The following EXOC5 variants were observed in gnomAD, a reference collection of about 807,000 sequenced individuals.
EXOC5 encodes exocyst complex component 5, also known as SEC10-like 1.
EXOC5 carries 17 observed loss-of-function variants against 90.8 expected under a neutral mutation model. The observed-to-expected ratio is 0.19, with a 90% CI of 0.13 to 0.28. The LOEUF is 0.28. Ranked by LOEUF, EXOC5 falls within the 10% of genes least tolerant of loss-of-function variation. EXOC5 has a pLI of 1.00. For synonymous variants in EXOC5, 260 were observed against 270.0 expected (o/e 0.96, Z 0.36); for missense variants, 569 against 830.6 (o/e 0.69, Z 3.87).
rs1052970976 is a variant in EXOC5 at position 57,201,424 on chromosome 14, ATATATACACACACACACGTGTG to A, written c.*7163_*7184del. On this transcript the variant is annotated 3_prime_UTR_variant, in exon 18 of 18. Transcript: ENST00000621441. ...ATCAAGAGAATTCTGATTAGTATATATATATACACACACACACGTGTGTATATATACACACGCGTGTATATGT... is the reference window on the plus strand; with the variant it reads ...ATCAAGAGAATTCTGATTAGTATATATATATATACACACGCGTGTATATGT... 36 of 122,210 alleles carry A rather than the reference ATATATACACACACACACGTGTG, an allele frequency of 2.9e-4. No individual in the cohort carries two copies. Among genetic ancestry groups the A allele is most frequent in the African/African-American group, 1.6e-3 (31 of 19,490 alleles). 7.6% of individuals were successfully genotyped at this position (122,210 alleles called of 1,614,324 possible).
chr14:57,235,851 G>T, intron 6 of EXOC5, 31 bp from the exon 7 acceptor site: 2 of 983,578 alleles, frequency 2.0e-6, no homozygotes, highest in Non-Finnish European at 1.6e-6. Flanking sequence ...CTACACTGAG[G>T]CATACAAGGC....
chr14:57,250,019 G>T (rs539551802), intron 1 of EXOC5, among the ~76,000 whole-genome samples: 163 of 152,152 alleles, frequency 1.1e-3, no homozygotes, highest in Admixed American at 1.7e-3. Flanking sequence ...TGATCCGCCC[G>T]CCTCAGCCTC....
Position 57,206,013 on chromosome 14 carries a change from A to C in EXOC5, c.*2596T>G, listed in dbSNP as rs1391786004. ...CATTTTCAACATCATAATTTACATA[A>C]GGTAGGCTTCCTTTATTAAATTCGT... On this transcript the variant is annotated 3_prime_UTR_variant, in exon 18 of 18. Coordinates refer to ENST00000621441, the MANE Select transcript of EXOC5 (RefSeq NM_006544.4). 6 of 454,158 alleles carry C rather than the reference A, an allele frequency of 1.3e-5. No homozygotes were observed. 28.1% of individuals were successfully genotyped at this position (454,158 alleles called of 1,614,324 possible). A position where few individuals can be genotyped will look rare whatever the true frequency, so the allele number is the denominator to read the frequency against.
rs777868159 is a variant in EXOC5, at chr14:57,239,677, A to T, written c.466-18T>A. 6.8e-7 allele frequency: 1 copy of T among 1,465,720 alleles called. No individual in the cohort carries two copies. The highest frequency in any genetic ancestry group is 1.3e-5 in the South Asian group (1 of 74,492). 90.8% of individuals were successfully genotyped at this position (1,465,720 alleles called of 1,614,324 possible). A position where few individuals can be genotyped will look rare whatever the true frequency, so the allele number is the denominator to read the frequency against. On this transcript the variant is annotated intron_variant, in intron 4 of 17. Coordinates refer to ENST00000621441, the MANE Select transcript of EXOC5 (RefSeq NM_006544.4). ...TCCTTTATCTATGAAAAAATAAATA[A>T]AAGCAATAATTTAAAAAACTTTTAG...
In EXOC5 at chr14:57,235,961, C is replaced by T. The variant is rs1213570540; in HGVS notation, c.560-141G>A. 2.0e-5 allele frequency: 12 copies of T among 589,276 alleles called. No homozygotes were observed. The East Asian group carries it at 2.5e-4, about 12-fold the overall frequency. The allele number at this position is 589,276 out of a possible 1,614,324, so 36.5% of individuals were successfully genotyped here. A position where few individuals can be genotyped will look rare whatever the true frequency, so the allele number is the denominator to read the frequency against. Reference sequence around the variant, plus strand: ...TACAAAAACAAATGAGATTATAGGCCGTGAACCCAGCCCCTGTAATATACT... The same window carrying T: ...TACAAAAACAAATGAGATTATAGGCTGTGAACCCAGCCCCTGTAATATACT... On this transcript the variant is annotated intron_variant, in intron 6 of 17. Coordinates refer to ENST00000621441, the MANE Select transcript of EXOC5 (RefSeq NM_006544.4).
Position 57,228,201 on chromosome 14 carries a change from C to A in EXOC5, c.1296+1533G>T, listed in dbSNP as rs146276487. On this transcript the variant is annotated intron_variant, in intron 12 of 17. Coordinates refer to ENST00000621441, the MANE Select transcript of EXOC5 (RefSeq NM_006544.4). ...TGGCAATCATTAAACAGTCAGGAAA[C>A]AACAAATGCTGGAGAGGATGTGGAG... 7.6e-3 allele frequency among the ~76,000 whole-genome samples: 1,157 copies of A among 152,200 alleles called. 19 individuals carry two copies. The highest frequency in any genetic ancestry group is 0.026 in the African/African-American group (1,097 of 41,522).
intron 10 of EXOC5, chr14:57,232,195 C>T (rs538772122): frequency 1.3e-5 from 2 of 154,106 alleles, no homozygotes; most frequent in Non-Finnish European, 2.9e-5. Flanking sequence ...TTTGGAAAAA[C>T]CTTCTCCCAA....
chr14:57,268,339 T>G, intron 1 of EXOC5: 1 of 742,946 alleles, frequency 1.3e-6, no homozygotes, highest in South Asian at 1.9e-5. Context: ...CCTTCCAGAC[T>G]TTCCCTCTTG....
In EXOC5 at chr14:57,231,561, G is replaced by C. The variant is rs1302758919; in HGVS notation, c.1093C>G (p.Leu365Val). Reference sequence around the variant, plus strand: ...TTTTTCGAATCATAATAGCGCTGTAGGATCATAGCACTTCTGCTTTTCAAA... The same window carrying C: ...TTTTTCGAATCATAATAGCGCTGTACGATCATAGCACTTCTGCTTTTCAAA... ...GYLKSRSAMI[L>V]QRYYDSKNHQ... Residue 365 changes from leucine to valine, a missense_variant, in exon 11 of 18, where the codon CTA becomes GTA. Leu to Val is a conservative substitution (Grantham distance 32). This residue lies in a region of EXOC5 where 69 missense variants were observed against 115.5 expected (regional missense o/e 0.60). Transcript: ENST00000621441. The C allele has an allele frequency of 6.2e-7, 1 of 1,612,256 alleles. No individual in the cohort carries two copies. Among genetic ancestry groups the C allele is most frequent in the African/African-American group, 1.3e-5 (1 of 74,834 alleles).
chr14:57,231,988 C>T (rs1883501851), intron 10 of EXOC5: 3 of 301,004 alleles, frequency 1.0e-5, no homozygotes, highest in Non-Finnish European at 1.9e-5. Flanking sequence ...GAAATGGCGA[C>T]AGTGGCAGAT....
chr14:57,208,765 C>T lies in EXOC5; in HGVS notation c.1971G>A (p.Leu657=), dbSNP rs766216104. The T allele has an allele frequency of 3.7e-6, 6 of 1,606,090 alleles. No individual in the cohort carries two copies. Among genetic ancestry groups the T allele is most frequent in the Non-Finnish European group, 5.1e-6 (6 of 1,173,764 alleles). Reference sequence around the variant, plus strand: ...CTACCAGAAGATTGCAAAGAGCATGCAGAGTATCAAAAAGATGTAATACCA... The same window carrying T: ...CTACCAGAAGATTGCAAAGAGCATGTAGAGTATCAAAAAGATGTAATACCA... The part of the protein sequence containing the change: ...IPMVLHLFDT[L]HALCNLLVVA... Residue 657 remains leucine, a synonymous_variant, in exon 18 of 18, where the codon CTG becomes CTA. Transcript: ENST00000621441.
intron 11 of EXOC5, among the ~76,000 whole-genome samples, chr14:57,230,446 A>ACACACAC (rs368164739): frequency 3.7e-4 from 55 of 148,248 alleles, no homozygotes; most frequent in African/African-American, 1.3e-3. Flanking sequence ...CACACACACA[A>ACACACAC]ACACACACAC....
chr14:57,205,777 T>C lies in EXOC5; in HGVS notation c.*2832A>G, dbSNP rs949009668. The C allele has an allele frequency of 1.4e-5, 6 of 422,540 alleles. No individual in the cohort carries two copies. The Admixed American group carries it at 1.9e-4, about 14-fold the overall frequency. The allele number at this position is 422,540 out of a possible 1,614,324, so 26.2% of individuals were successfully genotyped here. A position where few individuals can be genotyped will look rare whatever the true frequency, so the allele number is the denominator to read the frequency against. ...AAAAAGAATGATCTACAATGTAATA[T>C]AAATTAACCTAATTTAAATTAGATT... On this transcript the variant is annotated 3_prime_UTR_variant, in exon 18 of 18. Coordinates refer to ENST00000621441, the MANE Select transcript of EXOC5 (RefSeq NM_006544.4).
At position 57,229,720 on chromosome 14, in the gene EXOC5, A is replaced by G. The variant is rs763499928; in HGVS notation, c.1296+14T>C. ...ACAACTGTATATGTAAAATACATTT[A>G]CAATCACTCTTACCCTATGACATCT... On this transcript the variant is annotated intron_variant, in intron 12 of 17. Coordinates refer to ENST00000621441, the MANE Select transcript of EXOC5 (RefSeq NM_006544.4). 1.0e-5 allele frequency: 15 copies of G among 1,455,994 alleles called. No homozygotes were observed. Among genetic ancestry groups the G allele is most frequent in the Admixed American group, 4.2e-5 (2 of 47,288 alleles). The allele number at this position is 1,455,994 out of a possible 1,614,324, so 90.2% of individuals were successfully genotyped here.
intron 12 of EXOC5, among the ~76,000 whole-genome samples, chr14:57,224,992 G>A (rs959710955): frequency 1.1e-4 from 17 of 152,082 alleles, no homozygotes; most frequent in Non-Finnish European, 2.2e-4. Context: ...GACTGAAGAG[G>A]AGGAGGTTGC....
chr14:57,203,188 G>T lies in EXOC5; in HGVS notation c.*5421C>A, dbSNP rs1209100465. ...TGGTCTTGAACTCCTAGCTTCAAGTGTTCTTCCCACCTCAGCCTCCCAAGT... is the reference window on the plus strand; with the variant it reads ...TGGTCTTGAACTCCTAGCTTCAAGTTTTCTTCCCACCTCAGCCTCCCAAGT... On this transcript the variant is annotated 3_prime_UTR_variant, in exon 18 of 18. Transcript: ENST00000621441. The T allele has an allele frequency of 6.6e-6, 1 of 152,172 alleles. No individual in the cohort carries two copies. 9.4% of individuals were successfully genotyped at this position (152,172 alleles called of 1,614,324 possible).
chr14:57,258,906 T>TA (rs1884422223), intron 1 of EXOC5, among the ~76,000 whole-genome samples: 1 of 152,128 alleles, frequency 6.6e-6, no homozygotes, highest in Admixed American at 6.5e-5. Context: ...GTAAAAAAAA[T>TA]AAAGTAAGTC....
rs767330860 is a variant in EXOC5, at chr14:57,209,759, G to A, written c.1746C>T (p.Tyr582=). Residue 582 remains tyrosine (Y), a synonymous_variant, in exon 17 of 18, where the codon TAC becomes TAT. Transcript: ENST00000621441. The part of the protein sequence containing the change: ...YTNACVKVCA[Y]VRKQVEKIKN... ...TAATCTTCTCCACTTGTTTTCTTAC[G>A]TAAGCACAGACTTTTACACAGGCCT... is the stretch of plus-strand genomic sequence containing the variant. The A allele has an allele frequency of 1.5e-5, 24 of 1,610,544 alleles. No homozygotes were observed. Among genetic ancestry groups the A allele is most frequent in the Middle Eastern group, 1.6e-4 (1 of 6,078 alleles).
chr14:57,263,729 C>T (rs1240292023), intron 1 of EXOC5, among the ~76,000 whole-genome samples: 1 of 140,216 alleles, frequency 7.1e-6, no homozygotes, highest in Non-Finnish European at 1.5e-5. Context: ...CACGCCACTG[C>T]ACTCCAGCCT....
Sources: gnomAD v4.1 joint callset for allele counts (sites outside exome capture counted in the v4.1 genomes callset) on GRCh38, gnomAD v4.1.1 for gene constraint, gnomAD v4.1.1 regional missense constraint, MANE v1.5 for transcripts, NCBI Gene and HGNC (gene_info 2026-07-23, HGNC 2026-07-21) for gene names.